FOCAD: variants seen among roughly 807,000 people sequenced by gnomAD.
The protein encoded by FOCAD is KIAA1797.
FOCAD carries 198 observed loss-of-function variants against 225.6 expected under a neutral mutation model. The observed-to-expected ratio is 0.88, with a 90% CI of 0.78 to 0.99. FOCAD has a LOEUF of 0.99. FOCAD is among the 50% of genes least tolerant of loss of function. The pLI is 0.00. For missense variants in FOCAD, 2,713 were observed against 2,123.6 expected (o/e 1.28, Z -5.46); for synonymous variants, 897 against 755.0 (o/e 1.19, Z -3.08).
intron 6 of FOCAD, among the ~76,000 whole-genome samples, chr9:20,761,785 A>T (rs1829625113): frequency 6.6e-6 from 1 of 152,092 alleles, no homozygotes; most frequent in Non-Finnish European, 1.5e-5. Flanking sequence ...TCTGTGGTGA[A>T]CTTAAATATA....
chr9:20,833,144 T>C (rs866285334), intron 15 of FOCAD, among the ~76,000 whole-genome samples: 2 of 152,082 alleles, frequency 1.3e-5, no homozygotes, highest in Non-Finnish European at 2.9e-5. Flanking sequence ...AGGGTTCCCT[T>C]TTTCCATCAA....
At chr9:20,840,669 A>G (rs1826433487) in intron 15 of FOCAD, among the ~76,000 whole-genome samples, 1 of 151,698 alleles carries the variant, frequency 6.6e-6, no homozygotes, top group Admixed American at 6.6e-5. Flanking sequence ...GATTATATCA[A>G]CTGCAAAATA....
At chr9:20,844,373 T>TTG (rs1397569234) in intron 15 of FOCAD, among the ~76,000 whole-genome samples, 3 of 143,358 alleles carry the variant, frequency 2.1e-5, no homozygotes, top group East Asian at 2.0e-4. Flanking sequence ...TTTTTTTTTT[T>TTG]TTGTTGAGAC....
chr9:20,659,150 G>A (rs945221984), intron 2 of FOCAD, among the ~76,000 whole-genome samples: 1 of 152,108 alleles, frequency 6.6e-6, no homozygotes, highest in African/African-American at 2.4e-5. Flanking sequence ...AACCTGGGGG[G>A]CGGAGGTTTC....
intron 35 of FOCAD, among the ~76,000 whole-genome samples, chr9:20,955,989 A>C (rs1340381791): frequency 6.6e-6 from 1 of 152,182 alleles, no homozygotes; most frequent in African/African-American, 2.4e-5. Flanking sequence ...ATATTTTCCT[A>C]TTAGGCTTTA....
Position 20,865,921 on chromosome 9 carries a change from T to C in FOCAD, c.2056-5T>C, listed in dbSNP as rs764865974. 6.2e-7 allele frequency: 1 copy of C among 1,604,700 alleles called. No homozygotes were observed. Among genetic ancestry groups the C allele is most frequent in the Non-Finnish European group, 8.5e-7 (1 of 1,175,024 alleles). ...AATTTATTCTTTTGTATGTTAACTT[T>C]TCAGAATTTTAAAGTTCAAGTCCTC... On this transcript the variant is annotated splice_region_variant and splice_polypyrimidine_tract_variant and intron_variant, in intron 16 of 43. Transcript: ENST00000338382.
At chr9:20,927,021 CAT>C (rs72317127) in intron 26 of FOCAD, among the ~76,000 whole-genome samples, 91,576 of 148,732 alleles carry the variant, frequency 0.62, 28,532 homozygotes, top group South Asian at 0.7. Context: ...TATGTATAGA[CAT>C]ATATATATAT....
chr9:20,756,659 G>A (rs1191806087), intron 5 of FOCAD, among the ~76,000 whole-genome samples: 1 of 152,082 alleles, frequency 6.6e-6, no homozygotes, highest in African/African-American at 2.4e-5. Flanking sequence ...TTCCTGCAGG[G>A]CTATTTATTA....
chr9:20,763,996 T>C (rs12552249), intron 6 of FOCAD, among the ~76,000 whole-genome samples: 49,867 of 152,008 alleles, frequency 0.33, 8,903 homozygotes, highest in East Asian at 0.52. Flanking sequence ...TTATCCGTGT[T>C]ATAAGGATAA....
intron 35 of FOCAD, among the ~76,000 whole-genome samples, chr9:20,959,415 T>C (rs1258902753): frequency 6.6e-6 from 1 of 152,194 alleles, no homozygotes; most frequent in Non-Finnish European, 1.5e-5. Context: ...ATGTTTGAGT[T>C]CCTTGCATAT....
intron 28 of FOCAD, among the ~76,000 whole-genome samples, chr9:20,940,404 A>T (rs1279429931): frequency 6.6e-6 from 1 of 151,446 alleles, no homozygotes; most frequent in African/African-American, 2.4e-5. Flanking sequence ...CTCCTGCCTC[A>T]GCCTCAAGTA....
At chr9:20,828,463 G>T in intron 15 of FOCAD, among the ~76,000 whole-genome samples, 1 of 151,978 alleles carries the variant, frequency 6.6e-6, no homozygotes, top group East Asian at 1.9e-4. Context: ...AGTGGGATTG[G>T]TGGGTCATAT....
At chr9:20,744,259 G>A (rs751444621) in intron 5 of FOCAD, among the ~76,000 whole-genome samples, 68 of 152,118 alleles carry the variant, frequency 4.5e-4, no homozygotes, top group Non-Finnish European at 9.3e-4. Context: ...AGTTTTTAAT[G>A]TTTGGAGCAT....
At chr9:20,771,531 G>A (rs1205432755) in intron 8 of FOCAD, among the ~76,000 whole-genome samples, 1 of 151,770 alleles carries the variant, frequency 6.6e-6, no homozygotes, top group Middle Eastern at 3.4e-3. Flanking sequence ...GGCCGAGGCA[G>A]GCAGATTATG....
intron 1 of FOCAD, among the ~76,000 whole-genome samples, chr9:20,700,121 A>G (rs1823819465): frequency 1.3e-5 from 2 of 151,998 alleles, no homozygotes; most frequent in South Asian, 4.1e-4. Context: ...GCTGTATAAT[A>G]GAAGATTAGT....
intron 2 of FOCAD, among the ~76,000 whole-genome samples, chr9:20,665,370 C>A (rs1821869129): frequency 6.6e-6 from 1 of 152,058 alleles, no homozygotes; most frequent in African/African-American, 2.4e-5. Flanking sequence ...CTGCTTAGGA[C>A]AATAAAGCCC....
At chr9:20,901,948 T>G (rs1832598811) in intron 21 of FOCAD, among the ~76,000 whole-genome samples, 1 of 151,954 alleles carries the variant, frequency 6.6e-6, no homozygotes, top group Admixed American at 6.6e-5. Flanking sequence ...CTGTGCCTAT[T>G]TAAAAAAAGT....
rs1834773121 is a variant in FOCAD, at chr9:20,924,648, G to T, written c.2961+880G>T. Reference sequence around the variant, plus strand: ...GGGCTATCTGTATTCTTTTTTTGTTGTTGTGGGTTTTTTGGTGGTACACTA... The same window carrying T: ...GGGCTATCTGTATTCTTTTTTTGTTTTTGTGGGTTTTTTGGTGGTACACTA... On this transcript the variant is annotated intron_variant, in intron 25 of 43. Coordinates refer to ENST00000338382, the MANE Select transcript of FOCAD (RefSeq NM_001375567.1). Among the ~76,000 whole-genome samples, 2 of 151,874 alleles carry T rather than the reference G, an allele frequency of 1.3e-5. 1 individual carries two copies. Among genetic ancestry groups the T allele is most frequent in the South Asian group, 4.2e-4 (2 of 4,802 alleles).
At chr9:20,917,639 C>T (rs746695183) in intron 24 of FOCAD, among the ~76,000 whole-genome samples, 4 of 152,070 alleles carry the variant, frequency 2.6e-5, no homozygotes, top group Non-Finnish European at 5.9e-5. Context: ...CTGTTTGACT[C>T]CTTTCTTTCT....
Sources: gnomAD v4.1 joint callset for allele counts (sites outside exome capture counted in the v4.1 genomes callset) on GRCh38, gnomAD v4.1.1 for gene constraint, MANE v1.5 for transcripts, NCBI Gene and HGNC (gene_info 2026-07-23, HGNC 2026-07-21) for gene names.